The following MACROD2 variants were observed in gnomAD, a reference collection of about 807,000 sequenced individuals.
MACROD2 encodes the protein mono-ADP ribosylhydrolase 2.
A neutral mutation model predicts 70.4 loss-of-function variants in MACROD2; 36 were observed. The ratio of observed to expected loss-of-function variants is 0.51; its 90% CI spans 0.39 to 0.68. MACROD2 has a LOEUF of 0.68. MACROD2 is among the 30% of genes least tolerant of loss of function. The pLI, the probability that MACROD2 is intolerant of heterozygous loss-of-function variation, is 0.00. For synonymous variants in MACROD2, 172 were observed against 178.8 expected (o/e 0.96, Z 0.30); for missense variants, 496 against 538.4 (o/e 0.92, Z 0.78).
At chr20:14,697,222 T>G (rs1399463926) in intron 5 of MACROD2, among the ~76,000 whole-genome samples, 1 of 152,196 alleles carries the variant, frequency 6.6e-6, no homozygotes, top group Non-Finnish European at 1.5e-5. Flanking sequence ...CCGGGATATG[T>G]CCTACCTATT....
chr20:15,354,832 A>G (rs2078268214), intron 6 of MACROD2, among the ~76,000 whole-genome samples: 1 of 152,202 alleles, frequency 6.6e-6, no homozygotes, highest in African/African-American at 2.4e-5. Flanking sequence ...TTCATGACAC[A>G]AAATGAAAAA....
At chr20:14,261,542 T>G (rs955686430) in intron 3 of MACROD2, among the ~76,000 whole-genome samples, 10 of 152,296 alleles carry the variant, frequency 6.6e-5, no homozygotes, top group African/African-American at 2.4e-4. Flanking sequence ...CACATGTGTG[T>G]GTATGTGTGC....
intron 8 of MACROD2, among the ~76,000 whole-genome samples, chr20:15,669,336 G>C (rs2049946375): frequency 6.6e-6 from 1 of 152,150 alleles, no homozygotes; most frequent in East Asian, 1.9e-4. Flanking sequence ...CAGGGTATAA[G>C]TTTTTATATT....
chr20:15,078,891 C>T (rs965383370), intron 5 of MACROD2, among the ~76,000 whole-genome samples: 2 of 152,068 alleles, frequency 1.3e-5, no homozygotes, highest in African/African-American at 2.4e-5. Context: ...GGTGATCCAC[C>T]TGGCTTAGCC....
chr20:16,013,232 G>A (rs955846791), intron 15 of MACROD2, among the ~76,000 whole-genome samples: 2 of 152,148 alleles, frequency 1.3e-5, no homozygotes, highest in African/African-American at 4.8e-5. Flanking sequence ...AGGAAGAGAA[G>A]AGGGTGGCAT....
chr20:15,848,977 G>T (rs1201448138), intron 8 of MACROD2, among the ~76,000 whole-genome samples: 2 of 152,212 alleles, frequency 1.3e-5, no homozygotes, highest in Non-Finnish European at 1.5e-5. Flanking sequence ...TTTAAAGAGA[G>T]AGATGATATG....
intron 3 of MACROD2, among the ~76,000 whole-genome samples, chr20:14,249,540 A>G (rs540472032): frequency 9.9e-5 from 15 of 152,088 alleles, no homozygotes; most frequent in Non-Finnish European, 1.8e-4. Context: ...AGGGGGTCAC[A>G]GAGCTATGTC....
chr20:14,478,089 T>C (rs960184780), intron 3 of MACROD2, among the ~76,000 whole-genome samples: 5 of 152,178 alleles, frequency 3.3e-5, no homozygotes, highest in African/African-American at 1.2e-4. Context: ...GGAACATTTT[T>C]AGGATAAAAA....
chr20:15,015,994 AACCCTG>A (rs1264078046), intron 5 of MACROD2, among the ~76,000 whole-genome samples: 2 of 152,152 alleles, frequency 1.3e-5, no homozygotes, highest in African/African-American at 2.4e-5. Context: ...GACAGAAACA[AACCCTG>A]ACTCAGCCTT....
intron 3 of MACROD2, among the ~76,000 whole-genome samples, chr20:14,368,087 A>T (rs1322256045): frequency 6.6e-6 from 1 of 152,306 alleles, no homozygotes; most frequent in East Asian, 1.9e-4. Context: ...TTGTTTATAC[A>T]TCACATTGCT....
intron 8 of MACROD2, among the ~76,000 whole-genome samples, chr20:15,624,102 C>T (rs1357711648): frequency 6.6e-5 from 10 of 152,200 alleles, no homozygotes; most frequent in Non-Finnish European, 1.5e-5. Flanking sequence ...GCCAAAGGCT[C>T]GAGAGCCCCT....
intron 5 of MACROD2, among the ~76,000 whole-genome samples, chr20:15,132,655 T>C (rs1429826281): frequency 6.6e-6 from 1 of 151,776 alleles, no homozygotes; most frequent in Non-Finnish European, 1.5e-5. Context: ...AATTCTTGAG[T>C]TACAGAAGAA....
intron 3 of MACROD2, among the ~76,000 whole-genome samples, chr20:14,480,260 A>G (rs545839243): frequency 6.6e-6 from 1 of 152,362 alleles, no homozygotes; most frequent in African/African-American, 2.4e-5. Flanking sequence ...GACTACCTGA[A>G]AAATGGTTGT....
rs762538763 is a variant in MACROD2, at chr20:15,254,929, CTTTT to C, written c.540+24890_540+24893del. On this transcript the variant is annotated intron_variant, in intron 6 of 17. Coordinates refer to ENST00000684519, the MANE Select transcript of MACROD2 (RefSeq NM_001351661.2). ...TAAACCATTTGGGGCCAAAGCACAC[CTTTT>C]TTTTTTTTTTTTTTTTTTTTTCAGT... 3.4e-3 allele frequency among the ~76,000 whole-genome samples: 271 copies of C among 80,528 alleles called. 1 individual carries two copies. Among genetic ancestry groups the C allele is most frequent in the Middle Eastern group, 0.01 (1 of 100 alleles). 52.8% of individuals were successfully genotyped at this position (80,528 alleles called of 152,430 possible). A position where few individuals can be genotyped will look rare whatever the true frequency, so the allele number is the denominator to read the frequency against.
chr20:14,617,227 C>T (rs570641960), intron 4 of MACROD2, among the ~76,000 whole-genome samples: 2 of 152,078 alleles, frequency 1.3e-5, no homozygotes, highest in Non-Finnish European at 2.9e-5. Context: ...CTTTTAACTC[C>T]GAGATTCAAC....
chr20:15,103,571 G>A (rs935886555), intron 5 of MACROD2, among the ~76,000 whole-genome samples: 2 of 152,150 alleles, frequency 1.3e-5, no homozygotes, highest in African/African-American at 4.8e-5. Context: ...AGTATTGGCT[G>A]TAAGTACCTC....
In MACROD2 at chr20:15,589,147, C is replaced by G. The variant is rs78883545; in HGVS notation, c.645+89300C>G. On this transcript the variant is annotated intron_variant, in intron 8 of 17. Coordinates refer to ENST00000684519, the MANE Select transcript of MACROD2 (RefSeq NM_001351661.2). ...GCAGCAAGAGAAAATGAGGAGGAAGCAAAAGCAGAAACCCCTAATAAAACC... is the reference window on the plus strand; with the variant it reads ...GCAGCAAGAGAAAATGAGGAGGAAGGAAAAGCAGAAACCCCTAATAAAACC... Among the ~76,000 whole-genome samples the G allele has an allele frequency of 2.4e-3, 368 of 152,242 alleles. 1 individual carries two copies. The highest frequency in any genetic ancestry group is 6.8e-3 in the African/African-American group (284 of 41,536).
intron 6 of MACROD2, among the ~76,000 whole-genome samples, chr20:15,356,378 A>G (rs2078287359): frequency 6.6e-6 from 1 of 152,242 alleles, no homozygotes; most frequent in African/African-American, 2.4e-5. Context: ...TAATGTATCA[A>G]AATTTTATAG....
intron 6 of MACROD2, among the ~76,000 whole-genome samples, chr20:15,255,327 C>T (rs528477557): frequency 1.3e-4 from 20 of 152,044 alleles, no homozygotes; most frequent in Non-Finnish European, 2.4e-4. Flanking sequence ...AGTTTAGGTG[C>T]TTCCTGTCCA....
Sources: gnomAD v4.1 joint callset for allele counts (sites outside exome capture counted in the v4.1 genomes callset) on GRCh38, gnomAD v4.1.1 for gene constraint, MANE v1.5 for transcripts, NCBI Gene and HGNC (gene_info 2026-07-23, HGNC 2026-07-21) for gene names.